The following STT3B variants were observed in gnomAD, a reference collection of about 807,000 sequenced individuals.
STT3B encodes the protein STT3 oligosaccharyltransferase complex catalytic subunit B.
A neutral mutation model predicts 96.8 loss-of-function variants in STT3B; 29 were observed. The ratio of observed to expected loss-of-function variants is 0.30; its 90% CI spans 0.22 to 0.41. The LOEUF is 0.41. STT3B is among the 10% of genes least tolerant of loss of function. The pLI, the probability that STT3B is intolerant of heterozygous loss-of-function variation, is 1.00. For missense variants in STT3B, 640 were observed against 1,022.3 expected (o/e 0.63, Z 5.10); for synonymous variants, 367 against 360.0 (o/e 1.02, Z -0.22).
Position 31,633,120 on chromosome 3 carries a change from C to A in STT3B, c.2373C>A (p.Phe791Leu). 1 of 1,613,884 alleles carries A rather than the reference C, an allele frequency of 6.2e-7. No homozygotes were observed. The highest frequency in any genetic ancestry group is 1.1e-5 in the South Asian group (1 of 91,056). ...LDHKPRVTNI[F>L]PKQKYLSKKT... ...ACAAACCTCGAGTCACCAACATTTT[C>A]CCAAAACAGAAGTATTTGTCAAAGA... The change falls in exon 15 of 16, where the codon TTC becomes TTA. Residue 791 changes from phenylalanine to leucine, a missense_variant. Transcript: ENST00000295770.
At chr3:31,594,560 G>T (rs1698743685) in intron 3 of STT3B, among the ~76,000 whole-genome samples, 1 of 151,970 alleles carries the variant, frequency 6.6e-6, no homozygotes, top group South Asian at 2.1e-4. Context: ...CTCCTGAGTA[G>T]CTGGGATTAT....
chr3:31,567,321 A>G (rs1479183419), intron 1 of STT3B, among the ~76,000 whole-genome samples: 1 of 152,136 alleles, frequency 6.6e-6, no homozygotes, highest in Admixed American at 6.5e-5. Flanking sequence ...ACCATCATTG[A>G]TCAAAGCTTC....
At chr3:31,544,055 A>G (rs764988129) in intron 1 of STT3B, among the ~76,000 whole-genome samples, 12 of 152,216 alleles carry the variant, frequency 7.9e-5, no homozygotes, top group Non-Finnish European at 1.3e-4. Context: ...ATACGAAGGA[A>G]TAGTAAGAAT....
chr3:31,628,219 T>TGGGG (rs563573292), intron 13 of STT3B, among the ~76,000 whole-genome samples: 1 of 1,092 alleles, frequency 9.2e-4, no homozygotes, highest in African/African-American at 4.4e-3. Context: ...CAGTTAAAAA[T>TGGGG]GGGGGGGCGG....
intron 7 of STT3B, among the ~76,000 whole-genome samples, chr3:31,617,623 T>A (rs551671129): frequency 1.3e-5 from 2 of 152,138 alleles, no homozygotes; most frequent in South Asian, 2.1e-4. Flanking sequence ...TTATTTTTTT[T>A]AAATGATCTG....
rs1575443238 is a variant in STT3B at position 31,616,805 on chromosome 3, A to G, written c.977-124A>G. On this transcript the variant is annotated intron_variant, in intron 6 of 15. Transcript: ENST00000295770. The stretch of plus-strand genomic sequence containing the variant: ...TCATTTGACAAAGGAAATGTTGGCT[A>G]GATGAAATAAGTAGTCTTTGATATG... The G allele has an allele frequency of 5.5e-6, 4 of 725,164 alleles. No individual in the cohort carries two copies. In the East Asian group the frequency reaches 1.1e-4, roughly 19 times the overall value. 44.9% of individuals were successfully genotyped at this position (725,164 alleles called of 1,614,324 possible).
chr3:31,627,447 A>G lies in STT3B; in HGVS notation c.2073+1320A>G, dbSNP rs560808713. Among the ~76,000 whole-genome samples, 23 of 152,248 alleles carry G rather than the reference A, an allele frequency of 1.5e-4. No individual in the cohort carries two copies. In the South Asian group the frequency reaches 4.6e-3, roughly 30 times the overall value. Reference sequence around the variant, plus strand: ...GTCTCTGGTGCCAAAAAGGTTGGGAACCACTGCTTTTTTGTATTAGATTGT... The same window carrying G: ...GTCTCTGGTGCCAAAAAGGTTGGGAGCCACTGCTTTTTTGTATTAGATTGT... On this transcript the variant is annotated intron_variant, in intron 13 of 15. Coordinates refer to ENST00000295770, the MANE Select transcript of STT3B (RefSeq NM_178862.3).
intron 3 of STT3B, among the ~76,000 whole-genome samples, chr3:31,588,821 G>A (rs556734445): frequency 1.3e-5 from 2 of 151,790 alleles, no homozygotes; most frequent in African/African-American, 4.8e-5. Flanking sequence ...ATATTTATGG[G>A]GCTCTATTTC....
rs1157247798 is a variant in STT3B, at chr3:31,636,010, T to G, written c.2427T>G (p.Ile809Met). The G allele has an allele frequency of 6.2e-7, 1 of 1,608,092 alleles. No individual in the cohort carries two copies. The highest frequency in any genetic ancestry group is 1.3e-5 in the African/African-American group (1 of 74,732). Reference sequence around the variant, plus strand: ...CTACCAAAAGGAAGCGTGGCTACATTAAAAATAAGCTGGTTTTTAAGAAAG... The same window carrying G: ...CTACCAAAAGGAAGCGTGGCTACATGAAAAATAAGCTGGTTTTTAAGAAAG... ...KKTTKRKRGY[I>M]KNKLVFKKGK... Residue 809 changes from isoleucine to methionine, a missense_variant, in exon 16 of 16, where the codon ATT becomes ATG. This residue lies in a region of STT3B where 51 missense variants were observed against 64.2 expected (regional missense o/e 0.79). Coordinates refer to ENST00000295770, the MANE Select transcript of STT3B (RefSeq NM_178862.3).
intron 5 of STT3B, among the ~76,000 whole-genome samples, chr3:31,610,684 A>G (rs1699162582): frequency 6.6e-6 from 1 of 152,170 alleles, no homozygotes; most frequent in Admixed American, 6.5e-5. Context: ...GATATAAAAT[A>G]TTTCCAAGAA....
intron 15 of STT3B, among the ~76,000 whole-genome samples, chr3:31,633,423 G>A (rs1438737007): frequency 1.3e-5 from 2 of 152,152 alleles, no homozygotes; most frequent in Admixed American, 6.5e-5. Flanking sequence ...AGATGTAGCT[G>A]TGGCCATCGC....
chr3:31,601,444 A>G (rs1698925938), intron 5 of STT3B, among the ~76,000 whole-genome samples: 1 of 152,236 alleles, frequency 6.6e-6, no homozygotes. Flanking sequence ...AAAAAGCCAG[A>G]CATAAAAGGC....
intron 1 of STT3B, among the ~76,000 whole-genome samples, chr3:31,543,594 CTG>C (rs1697332721): frequency 1.3e-5 from 2 of 152,282 alleles, no homozygotes; most frequent in East Asian, 1.9e-4. Flanking sequence ...TTGGATTTGA[CTG>C]TGATGTCAGT....
intron 1 of STT3B, among the ~76,000 whole-genome samples, chr3:31,575,308 TTTAATA>T (rs1287565464): frequency 1.3e-5 from 2 of 152,078 alleles, no homozygotes; most frequent in Non-Finnish European, 2.9e-5. Flanking sequence ...GGTCTGAAAG[TTTAATA>T]TTAATAACTC....
chr3:31,571,990 A>G (rs1044279716), intron 1 of STT3B, among the ~76,000 whole-genome samples: 1 of 110,654 alleles, frequency 9.0e-6, no homozygotes, highest in Non-Finnish European at 1.8e-5. Context: ...TATTAAATAT[A>G]TTAATACATA....
intron 12 of STT3B, 70 bp downstream of exon 12, chr3:31,625,155 CTAAA>C: frequency 1.5e-6 from 2 of 1,378,606 alleles, no homozygotes; most frequent in Non-Finnish European, 2.0e-6. Context: ...TCACTTGTGA[CTAAA>C]TAGGAAAAAT....
intron 1 of STT3B, among the ~76,000 whole-genome samples, chr3:31,570,505 A>T (rs935750618): frequency 6.6e-6 from 1 of 152,172 alleles, no homozygotes; most frequent in Non-Finnish European, 1.5e-5. Flanking sequence ...TGGCTATGGC[A>T]CGTTTCTATG....
intron 6 of STT3B, among the ~76,000 whole-genome samples, chr3:31,616,500 G>C (rs1170418928): frequency 6.6e-6 from 1 of 151,828 alleles, no homozygotes; most frequent in Non-Finnish European, 1.5e-5. Flanking sequence ...GTTATAAATA[G>C]TAACTATATA....
At chr3:31,588,896 G>T (rs1454290328) in intron 3 of STT3B, among the ~76,000 whole-genome samples, 1 of 151,866 alleles carries the variant, frequency 6.6e-6, no homozygotes, top group East Asian at 1.9e-4. Flanking sequence ...TACTGTAGTT[G>T]TATGATAAGT....
Sources: gnomAD v4.1 joint callset for allele counts (sites outside exome capture counted in the v4.1 genomes callset) on GRCh38, gnomAD v4.1.1 for gene constraint, gnomAD v4.1.1 regional missense constraint, MANE v1.5 for transcripts, NCBI Gene and HGNC (gene_info 2026-07-23, HGNC 2026-07-21) for gene names.